SCN8A: variants seen among roughly 807,000 people sequenced by gnomAD.
SCN8A encodes the protein sodium voltage-gated channel alpha subunit 8, also known as sodium channel protein type 8 subunit alpha.
In SCN8A, 30 loss-of-function variants were observed where a neutral mutation model predicts 184.1. The observed-to-expected ratio is 0.16, with a 90% CI of 0.12 to 0.22. The LOEUF (loss-of-function observed/expected upper bound fraction) is 0.22. SCN8A is among the 10% of genes least tolerant of loss of function. The probability of loss-of-function intolerance (pLI) is 1.00; values close to 1 mark genes in which losing one functional copy is unlikely to be tolerated. For synonymous variants in SCN8A, 852 were observed against 907.0 expected (o/e 0.94, Z 1.09); for missense variants, 1,057 against 2,498.9 (o/e 0.42, Z 12.30).
chr12:51,699,460 T>G (rs1941646770), intron 6 of SCN8A, 110 bp from the exon 7 acceptor site: 2 of 670,248 alleles, frequency 3.0e-6, no homozygotes, highest in Non-Finnish European at 5.0e-6. Context: ...GTGGCCATAT[T>G]TCAAGAGTGG....
intron 2 of SCN8A, among the ~76,000 whole-genome samples, chr12:51,672,767 A>T (rs1172252573): frequency 6.6e-6 from 1 of 152,126 alleles, no homozygotes; most frequent in Non-Finnish European, 1.5e-5. Flanking sequence ...AAAATTCTAG[A>T]TATCATTTTT....
intron 1 of SCN8A, among the ~76,000 whole-genome samples, chr12:51,623,743 T>G (rs978458762): frequency 6.6e-6 from 1 of 152,198 alleles, no homozygotes; most frequent in Non-Finnish European, 1.5e-5. Context: ...TAGGTATATC[T>G]TCTAATGCTA....
intron 2 of SCN8A, among the ~76,000 whole-genome samples, chr12:51,664,753 A>C (rs933769436): frequency 2.0e-5 from 3 of 151,910 alleles, no homozygotes; most frequent in African/African-American, 4.8e-5. Context: ...TCAGGGGTAC[A>C]TGTGCAGGAT....
chr12:51,794,504 T>A lies in SCN8A; in HGVS notation c.4658T>A (p.Ile1553Asn). The change falls in exon 26 of 27, where the codon ATC (isoleucine) becomes AAC (asparagine). Residue 1553 changes from isoleucine (I) to asparagine (N), a missense_variant. Physicochemically the swap from Ile to Asn is moderately radical, Grantham distance 149. Around this residue, in one of 19 missense-constraint regions of SCN8A, gnomAD observed 34 missense variants for 64.0 expected, o/e 0.53. Transcript: ENST00000627620. ...TDTQSKQMENILYWINLVFVI... is the reference protein window; with the variant it reads ...TDTQSKQMENNLYWINLVFVI... The stretch of plus-strand genomic sequence containing the variant: ...ACTCAAAGCAAGCAGATGGAGAACA[T>A]CCTCTACTGGATTAACCTGGTGTTT... 2 of 1,614,032 alleles carry A rather than the reference T, an allele frequency of 1.2e-6. No individual in the cohort carries two copies. The highest frequency in any genetic ancestry group is 1.7e-6 in the Non-Finnish European group (2 of 1,179,904).
At chr12:51,639,948 A>G (rs1173338146) in intron 1 of SCN8A, among the ~76,000 whole-genome samples, 1 of 107,778 alleles carries the variant, frequency 9.3e-6, no homozygotes, top group Non-Finnish European at 1.7e-5. Flanking sequence ...TGCCCAGGCT[A>G]GCAGGCTAGA....
In SCN8A at chr12:51,724,461, A is replaced by C. The variant is rs1592408293; in HGVS notation, c.1998+2553A>C. Among the ~76,000 whole-genome samples the C allele has an allele frequency of 2.0e-5, 3 of 151,732 alleles. No homozygotes were observed. The South Asian group carries it at 6.4e-4, about 32-fold the overall frequency. On this transcript the variant is annotated intron_variant, in intron 12 of 26. Coordinates refer to ENST00000627620, the MANE Select transcript of SCN8A (RefSeq NM_001330260.2). The stretch of plus-strand genomic sequence containing the variant: ...ACACTCTTGTCTCAAAAAAGAAAAA[A>C]CAAAACAAAACAAAACAAAAACAGT...
At chr12:51,799,421 A>G (rs1938495856) in intron 26 of SCN8A, among the ~76,000 whole-genome samples, 1 of 152,194 alleles carries the variant, frequency 6.6e-6, no homozygotes, top group Non-Finnish European at 1.5e-5. Flanking sequence ...AGTTTCCACC[A>G]AAGCCCAGTA....
At chr12:51,652,274 AC>A (rs1170376665) in intron 1 of SCN8A, among the ~76,000 whole-genome samples, 1 of 152,038 alleles carries the variant, frequency 6.6e-6, no homozygotes, top group East Asian at 1.9e-4. Context: ...TAGTCAGTCA[AC>A]AAAACTGTCC....
chr12:51,752,341 A>G (rs1942608575), intron 14 of SCN8A, among the ~76,000 whole-genome samples: 1 of 151,940 alleles, frequency 6.6e-6, no homozygotes, highest in Non-Finnish European at 1.5e-5. Flanking sequence ...TCTGGCTATT[A>G]CCGTTTATTA....
At chr12:51,740,250 T>A (rs1044162951) in intron 12 of SCN8A, among the ~76,000 whole-genome samples, 2 of 152,258 alleles carry the variant, frequency 1.3e-5, no homozygotes, top group Non-Finnish European at 2.9e-5. Context: ...TATGGCCAGA[T>A]TTTGGGGGGC....
intron 19 of SCN8A, 48 bp from the exon 20 acceptor site, chr12:51,774,141 C>G (rs1176094988): frequency 6.3e-7 from 1 of 1,590,956 alleles, no homozygotes; most frequent in East Asian, 2.2e-5. Flanking sequence ...TCCCTGTGGC[C>G]TGCTTGCCTT....
intron 1 of SCN8A, among the ~76,000 whole-genome samples, chr12:51,613,631 CT>C (rs1939770429): frequency 6.6e-6 from 1 of 151,828 alleles, no homozygotes; most frequent in Non-Finnish European, 1.5e-5. Context: ...CTTCTGCTTT[CT>C]TTAATTTACT....
At chr12:51,712,817 C>T (rs1941902262) in intron 11 of SCN8A, 2 of 1,189,150 alleles carry the variant, frequency 1.7e-6, no homozygotes, top group South Asian at 2.4e-5. Context: ...TATCCACCAT[C>T]ACCTCCTCCA....
At chr12:51,666,463 A>C (rs1157060560) in intron 2 of SCN8A, among the ~76,000 whole-genome samples, 5 of 152,228 alleles carry the variant, frequency 3.3e-5, no homozygotes, top group Admixed American at 6.5e-5. Flanking sequence ...TCTCTTCTAC[A>C]AGGAAGCACA....
chr12:51,603,340 A>G (rs916544499), intron 1 of SCN8A, among the ~76,000 whole-genome samples: 1 of 152,060 alleles, frequency 6.6e-6, no homozygotes, highest in Admixed American at 6.6e-5. Flanking sequence ...ATGTTGTTGT[A>G]TTTTTCAATT....
At chr12:51,606,649 T>C (rs1454826403) in intron 1 of SCN8A, among the ~76,000 whole-genome samples, 1 of 152,112 alleles carries the variant, frequency 6.6e-6, no homozygotes, top group Non-Finnish European at 1.5e-5. Context: ...TTTGTGGGGA[T>C]TGCATTGCAT....
intron 1 of SCN8A, among the ~76,000 whole-genome samples, chr12:51,598,153 G>T (rs933076816): frequency 8.5e-5 from 13 of 152,174 alleles, no homozygotes; most frequent in African/African-American, 2.9e-4. Context: ...TGAGTATTGT[G>T]ATAGGGAGGG....
At chr12:51,708,632 C>T (rs774101100) in intron 11 of SCN8A, among the ~76,000 whole-genome samples, 15 of 152,158 alleles carry the variant, frequency 9.9e-5, no homozygotes, top group Non-Finnish European at 2.2e-4. Flanking sequence ...TTATTCATTT[C>T]AGGGGATGAG....
At chr12:51,606,985 C>T (rs1939608555) in intron 1 of SCN8A, among the ~76,000 whole-genome samples, 1 of 151,888 alleles carries the variant, frequency 6.6e-6, no homozygotes, top group African/African-American at 2.4e-5. Flanking sequence ...GCAACCTCTG[C>T]CTCCCGGGCT....
Sources: gnomAD v4.1 joint callset for allele counts (sites outside exome capture counted in the v4.1 genomes callset) on GRCh38, gnomAD v4.1.1 for gene constraint, gnomAD v4.1.1 regional missense constraint, MANE v1.5 for transcripts, NCBI Gene and HGNC (gene_info 2026-07-23, HGNC 2026-07-21) for gene names.